SHANK2: variants seen among roughly 807,000 people sequenced by gnomAD.
SHANK2 encodes the protein SH3 and multiple ankyrin repeat domains protein 2.
In SHANK2, 43 loss-of-function variants were observed where a neutral mutation model predicts 133.7. That is an observed-to-expected ratio of 0.32 (90% confidence interval 0.25 to 0.41). The LOEUF (loss-of-function observed/expected upper bound fraction) is 0.41. Among genes scored for constraint, SHANK2 ranks in the 10% least tolerant of loss-of-function variants. SHANK2 has a pLI of 1.00. For synonymous variants in SHANK2, 1,017 were observed against 952.8 expected, an observed-to-expected ratio of 1.07 and a Z score of -1.24; for missense variants, 1,994 against 2,235.8, an observed-to-expected ratio of 0.89 and a Z score of 2.18.
chr11:70,809,396 G>C (rs540785590), intron 12 of SHANK2, among the ~76,000 whole-genome samples: 1 of 152,186 alleles, frequency 6.6e-6, no homozygotes. Flanking sequence ...TTCTAGAAGC[G>C]GATGTGACTA....
At chr11:70,914,897 T>TAA (rs879975114) in intron 10 of SHANK2, among the ~76,000 whole-genome samples, 1 of 120,276 alleles carries the variant, frequency 8.3e-6, no homozygotes, top group Admixed American at 8.8e-5. Flanking sequence ...GACTCTGTCT[T>TAA]AAAAAAAAAA....
At chr11:70,647,734 T>C (rs1199357827) in intron 17 of SHANK2, among the ~76,000 whole-genome samples, 1 of 152,180 alleles carries the variant, frequency 6.6e-6, no homozygotes, top group East Asian at 1.9e-4. Flanking sequence ...CTGAGCTCTG[T>C]CTTAACAAAA....
chr11:70,703,269 A>C (rs1945580375), intron 14 of SHANK2, among the ~76,000 whole-genome samples: 1 of 152,158 alleles, frequency 6.6e-6, no homozygotes, highest in Non-Finnish European at 1.5e-5. Flanking sequence ...AGTTTGAGTG[A>C]GTCACCCAGC....
chr11:71,212,831 A>G (rs1954310932), intron 2 of SHANK2, among the ~76,000 whole-genome samples: 1 of 151,860 alleles, frequency 6.6e-6, no homozygotes. Context: ...CATTTCCCTC[A>G]CTGGGTAACC....
chr11:70,736,540 G>C (rs971573194), intron 14 of SHANK2, among the ~76,000 whole-genome samples: 2 of 152,166 alleles, frequency 1.3e-5, no homozygotes, highest in Non-Finnish European at 2.9e-5. Flanking sequence ...GGGGAAATAG[G>C]GCCACAGCCG....
At chr11:71,130,960 A>G (rs1467750465) in intron 3 of SHANK2, among the ~76,000 whole-genome samples, 2 of 152,256 alleles carry the variant, frequency 1.3e-5, no homozygotes, top group Admixed American at 6.5e-5. Flanking sequence ...CGCATTTCAC[A>G]TTCAGAATTT....
At position 70,468,551 on chromosome 11, in the gene SHANK2, A is replaced by C. The variant is rs2058560677; in HGVS notation, c.*4318T>G. On this transcript the variant is annotated 3_prime_UTR_variant, in exon 26 of 26. Coordinates refer to ENST00000601538, the MANE Select transcript of SHANK2 (RefSeq NM_012309.5). ...GTTCGCCAGTTATTAAAATGCCTCCAATTTCAAGTAAAAGAAAAAATCTTC... is the reference window on the plus strand; with the variant it reads ...GTTCGCCAGTTATTAAAATGCCTCCCATTTCAAGTAAAAGAAAAAATCTTC... 6.6e-6 allele frequency: 1 copy of C among 152,204 alleles called. No individual in the cohort carries two copies. Among genetic ancestry groups the C allele is most frequent in the East Asian group, 1.9e-4 (1 of 5,204 alleles). The allele number at this position is 152,204 out of a possible 1,614,324, so 9.4% of individuals were successfully genotyped here. A position where few individuals can be genotyped will look rare whatever the true frequency, so the allele number is the denominator to read the frequency against.
chr11:71,150,409 G>A (rs1952775220), intron 2 of SHANK2, among the ~76,000 whole-genome samples: 1 of 131,362 alleles, frequency 7.6e-6, no homozygotes, highest in Non-Finnish European at 1.6e-5. Flanking sequence ...GGAGGGACAG[G>A]GAGGGAGGAA....
chr11:70,646,224 G>C (rs570221229), intron 17 of SHANK2: 1 of 152,194 alleles, frequency 6.6e-6, no homozygotes, highest in Non-Finnish European at 1.5e-5. Flanking sequence ...TGGAAAGATC[G>C]TTTCCCTTCC....
chr11:70,889,448 C>A (rs552994538), intron 11 of SHANK2, among the ~76,000 whole-genome samples: 1 of 152,162 alleles, frequency 6.6e-6, no homozygotes, highest in Admixed American at 6.5e-5. Context: ...GTTGTGGCAG[C>A]CCCGGGAACC....
At chr11:71,220,731 G>C (rs1954518730) in intron 2 of SHANK2, among the ~76,000 whole-genome samples, 1 of 152,150 alleles carries the variant, frequency 6.6e-6, no homozygotes, top group African/African-American at 2.4e-5. Flanking sequence ...GGAAATCCAT[G>C]GAGACAGAAA....
At chr11:71,148,763 A>ATGTAGTTATGTT (rs1952704483) in intron 2 of SHANK2, among the ~76,000 whole-genome samples, 1 of 152,208 alleles carries the variant, frequency 6.6e-6, no homozygotes, top group Non-Finnish European at 1.5e-5. Context: ...CATGTGGATG[A>ATGTAGTTATGTT]TCCCTGAAAC....
rs2135997847 is a variant in SHANK2 at position 70,535,712 on chromosome 11, GA to G, written c.2062-32782del. Among the ~76,000 whole-genome samples, 1 of 152,342 alleles carries G rather than the reference GA, an allele frequency of 6.6e-6. No individual in the cohort carries two copies. The highest frequency in any genetic ancestry group is 1.5e-5 in the Non-Finnish European group (1 of 68,032). The stretch of plus-strand genomic sequence containing the variant: ...GGGCAGGAGGATGGCCACCCAGGGG[GA>G]CCGAGGCCAGCCCTGCAGCAGGGCC... On this transcript the variant is annotated intron_variant, in intron 17 of 25. Coordinates refer to ENST00000601538, the MANE Select transcript of SHANK2 (RefSeq NM_012309.5). This position sits in a 1 kb window ranked among gnomAD's most constrained non-coding sequence, Gnocchi z 4.3.
At chr11:70,567,455 C>T (rs536531345) in intron 17 of SHANK2, among the ~76,000 whole-genome samples, 67 of 152,048 alleles carry the variant, frequency 4.4e-4, no homozygotes, top group African/African-American at 1.3e-3. Flanking sequence ...GGTGAAATCC[C>T]GTCTCTACTG....
At chr11:71,159,971 GA>G (rs34199845) in intron 2 of SHANK2, among the ~76,000 whole-genome samples, 6,768 of 114,034 alleles carry the variant, frequency 0.059, 279 homozygotes, top group African/African-American at 0.14. Context: ...TGGGTGGCAG[GA>G]AAAAAAAAAA....
intron 21 of SHANK2, among the ~76,000 whole-genome samples, chr11:70,499,178 T>A (rs1555157790): frequency 6.6e-6 from 1 of 152,244 alleles, no homozygotes; most frequent in Admixed American, 6.5e-5. Context: ...CTCATGGCCC[T>A]AGAGGCAGGG....
intron 10 of SHANK2, chr11:70,911,154 A>T: frequency 2.2e-6 from 1 of 456,710 alleles, no homozygotes; most frequent in Non-Finnish European, 4.4e-6. Flanking sequence ...AATTCAGCTA[A>T]AAGTACATGC....
intron 17 of SHANK2, among the ~76,000 whole-genome samples, chr11:70,623,356 A>T (rs2060858439): frequency 6.6e-6 from 1 of 152,160 alleles, no homozygotes; most frequent in South Asian, 2.1e-4. Flanking sequence ...AGCACTGCAC[A>T]GCTATTGCTT....
chr11:70,570,003 C>T (rs1472963939), intron 17 of SHANK2, among the ~76,000 whole-genome samples: 5 of 151,918 alleles, frequency 3.3e-5, no homozygotes, highest in Non-Finnish European at 7.4e-5. Context: ...TGGACTCCTG[C>T]CTCCAGCTGT....
Sources: gnomAD v4.1 joint callset for allele counts (sites outside exome capture counted in the v4.1 genomes callset) on GRCh38, gnomAD v4.1.1 for gene constraint, Gnocchi (gnomAD v3.1) non-coding constraint, MANE v1.5 for transcripts, NCBI Gene and HGNC (gene_info 2026-07-23, HGNC 2026-07-21) for gene names.